The following ZBTB2 variants were observed in gnomAD, a reference collection of about 807,000 sequenced individuals.
ZBTB2 encodes zinc finger and BTB domain-containing protein 2.
Under a neutral mutation model 39.5 loss-of-function variants are expected in ZBTB2, and 2 were observed. The ratio of observed to expected loss-of-function variants is 0.05; its 90% confidence interval spans 0.02 to 0.16. The LOEUF (loss-of-function observed/expected upper bound fraction) is 0.16, where lower values mean the gene tolerates loss of function less well. Among genes scored for constraint, ZBTB2 ranks in the 10% least tolerant of loss-of-function variants. The pLI, the probability that ZBTB2 is intolerant of heterozygous loss-of-function variation, is 1.00. For missense variants in ZBTB2, 391 were observed against 653.0 expected (o/e 0.60, Z 4.37); for synonymous variants, 251 against 256.6 (o/e 0.98, Z 0.21).
At chr6:151,377,006 C>T (rs572575188) in intron 1 of ZBTB2, among the ~76,000 whole-genome samples, 1 of 152,138 alleles carries the variant, frequency 6.6e-6, no homozygotes, top group East Asian at 1.9e-4. Flanking sequence ...AACTACTCAG[C>T]CATAAGAAGA....
At chr6:151,388,567 A>G (rs1488556929) in intron 1 of ZBTB2, among the ~76,000 whole-genome samples, 1 of 152,150 alleles carries the variant, frequency 6.6e-6, no homozygotes, top group African/African-American at 2.4e-5. Context: ...TGTGGGATCT[A>G]TGTTACCCAG....
intron 1 of ZBTB2, among the ~76,000 whole-genome samples, chr6:151,375,986 T>C (rs1372355363): frequency 6.6e-6 from 1 of 152,070 alleles, no homozygotes; most frequent in Admixed American, 6.6e-5. Context: ...GACAGAGAAG[T>C]GAATTAATAG....
chr6:151,388,843 C>T (rs9383568), intron 1 of ZBTB2, among the ~76,000 whole-genome samples: 5,434 of 152,300 alleles, frequency 0.036, 193 homozygotes, highest in East Asian at 0.18. Flanking sequence ...AGAGATTGCT[C>T]AGCATCAACG....
chr6:151,371,699 G>A (rs184668809), intron 2 of ZBTB2, among the ~76,000 whole-genome samples: 7 of 152,246 alleles, frequency 4.6e-5, no homozygotes, highest in Admixed American at 4.6e-4. Context: ...GGGCATCCCC[G>A]GGGTTTCTGA....
intron 1 of ZBTB2, among the ~76,000 whole-genome samples, chr6:151,387,238 A>G (rs1468775597): frequency 6.6e-6 from 1 of 152,196 alleles, no homozygotes; most frequent in African/African-American, 2.4e-5. Context: ...TTATAGTAAT[A>G]TTCATTGGTC....
At chr6:151,387,154 T>C (rs890438075) in intron 1 of ZBTB2, among the ~76,000 whole-genome samples, 9 of 152,360 alleles carry the variant, frequency 5.9e-5, no homozygotes, top group Middle Eastern at 3.4e-3. Flanking sequence ...ATACCAACAC[T>C]TGACAAGTCT....
At chr6:151,371,930 C>T (rs1485444794) in intron 2 of ZBTB2, among the ~76,000 whole-genome samples, 3 of 152,198 alleles carry the variant, frequency 2.0e-5, no homozygotes, top group Non-Finnish European at 4.4e-5. Flanking sequence ...GCAGGAGGAA[C>T]TTCGGAGAAG....
intron 1 of ZBTB2, among the ~76,000 whole-genome samples, chr6:151,375,986 T>A (rs1372355363): frequency 6.6e-6 from 1 of 152,070 alleles, no homozygotes; most frequent in African/African-American, 2.4e-5. Context: ...GACAGAGAAG[T>A]GAATTAATAG....
Position 151,391,545 on chromosome 6 carries a change from C to A in ZBTB2, c.-138G>T, listed in dbSNP as rs975562141. 1.3e-5 allele frequency: 2 copies of A among 154,842 alleles called. No individual in the cohort carries two copies. The highest frequency in any genetic ancestry group is 3.9e-4 in the South Asian group (2 of 5,146). The allele number at this position is 154,842 out of a possible 1,614,324, so 9.6% of individuals were successfully genotyped here. A position where few individuals can be genotyped will look rare whatever the true frequency, so the allele number is the denominator to read the frequency against. The stretch of plus-strand genomic sequence containing the variant: ...CTGCTGCTGCTGCTGCCGCCGCGGT[C>A]GGTGTCTCCGGCGCGGCGGCGGCGG... On this transcript the variant is annotated 5_prime_UTR_variant, in exon 1 of 3. Coordinates refer to ENST00000325144, the MANE Select transcript of ZBTB2 (RefSeq NM_020861.3).
intron 2 of ZBTB2, 140 bp from the exon 3 acceptor site, chr6:151,367,032 G>T: frequency 1.1e-6 from 1 of 888,748 alleles, no homozygotes; most frequent in African/African-American, 1.7e-5. Context: ...CATGAAAATG[G>T]GATGAAATAA....
Position 151,366,061 on chromosome 6 carries a change from C to T in ZBTB2, c.1005G>A (p.Ser335=), listed in dbSNP as rs745564130. 6.8e-6 allele frequency: 11 copies of T among 1,614,010 alleles called. No homozygotes were observed. The highest frequency in any genetic ancestry group is 4.0e-5 in the African/African-American group (3 of 74,908). Residue 335 remains serine, a synonymous_variant, in exon 3 of 3, where the codon TCG becomes TCA. Coordinates refer to ENST00000325144, the MANE Select transcript of ZBTB2 (RefSeq NM_020861.3). The surrounding 1 kb of genome is among the most constrained non-coding windows in gnomAD (Gnocchi z 7.1). ...DSPIIDGQQQ[S]ETPPPSDIAD... Reference sequence around the variant, plus strand: ...CAATGTCTGAGGGGGGTGGGGTTTCCGACTGCTGCTGCCCATCGATGATGG... The same window carrying T: ...CAATGTCTGAGGGGGGTGGGGTTTCTGACTGCTGCTGCCCATCGATGATGG...
At position 151,365,776 on chromosome 6, in the gene ZBTB2, T is replaced by C; in HGVS notation, c.1290A>G (p.Thr430=). The C allele has an allele frequency of 6.2e-7, 1 of 1,614,234 alleles. No homozygotes were observed. Among genetic ancestry groups the C allele is most frequent in the Non-Finnish European group, 8.5e-7 (1 of 1,180,044 alleles). ...TGTCCATCTGACTCCCTTCCTCAAA[T>C]GTGCAGAGTTCCAGAGTCTGTTTGT... ...MVDKQTLELC[T]FEEGSQMDNM... Residue 430 remains threonine (T), a synonymous_variant, in exon 3 of 3, where the codon ACA becomes ACG. Transcript: ENST00000325144. The surrounding 1 kb of genome is among the most constrained non-coding windows in gnomAD (Gnocchi z 5.6).
chr6:151,374,957 A>C (rs1195224466), intron 1 of ZBTB2, among the ~76,000 whole-genome samples: 23 of 148,194 alleles, frequency 1.6e-4, no homozygotes, highest in Non-Finnish European at 3.3e-4. Flanking sequence ...AAAAAAAACA[A>C]CAAAAACAAA....
At chr6:151,390,907 G>C (rs1027393118) in intron 1 of ZBTB2, among the ~76,000 whole-genome samples, 2 of 152,014 alleles carry the variant, frequency 1.3e-5, no homozygotes, top group East Asian at 3.9e-4. Context: ...GAGGGCTCCA[G>C]CGCGGGACGC....
At chr6:151,374,930 T>TAAAAAAAAA (rs71556221) in intron 1 of ZBTB2, among the ~76,000 whole-genome samples, 116 of 63,434 alleles carry the variant, frequency 1.8e-3, no homozygotes, top group South Asian at 3.0e-3. Context: ...CCGTCTCTAC[T>TAAAAAAAAA]AAAAAAAAAA....
chr6:151,370,082 A>G, intron 2 of ZBTB2: 1 of 976,830 alleles, frequency 1.0e-6, no homozygotes. Flanking sequence ...TGGAAAGGAC[A>G]TAGTTCTCTA....
intron 1 of ZBTB2, among the ~76,000 whole-genome samples, chr6:151,387,075 T>C (rs1779173635): frequency 6.6e-6 from 1 of 152,202 alleles, no homozygotes; most frequent in Admixed American, 6.5e-5. Flanking sequence ...CACCCACCTA[T>C]GTAGTTGGAA....
At position 151,366,081 on chromosome 6, in the gene ZBTB2, T is replaced by C; in HGVS notation, c.985A>G (p.Ile329Val). The change falls in exon 3 of 3, where the codon ATC becomes GTC. Residue 329 changes from isoleucine (I) to valine (V), a missense_variant. Physicochemically the swap from Ile to Val is conservative, Grantham distance 29. Coordinates refer to ENST00000325144, the MANE Select transcript of ZBTB2 (RefSeq NM_020861.3). The surrounding 1 kb of genome is among the most constrained non-coding windows in gnomAD (Gnocchi z 7.1). The part of the protein sequence containing the change: ...ELQHISDSPI[I>V]DGQQQSETPP... ...GTTTCCGACTGCTGCTGCCCATCGA[T>C]GATGGGAGAATCAGAGATGTGCTGC... 2 of 1,614,158 alleles carry C rather than the reference T, an allele frequency of 1.2e-6. No individual in the cohort carries two copies. The highest frequency in any genetic ancestry group is 1.7e-6 in the Non-Finnish European group (2 of 1,180,022).
At chr6:151,373,010 C>A (rs1029451916) in intron 2 of ZBTB2, among the ~76,000 whole-genome samples, 1 of 151,714 alleles carries the variant, frequency 6.6e-6, no homozygotes, top group Admixed American at 6.6e-5. Context: ...AAAATATTAG[C>A]CGGGCGTGGC....
Sources: allele counts gnomAD v4.1 joint callset (sites outside exome capture counted in the v4.1 genomes callset), GRCh38; gene constraint gnomAD v4.1.1; non-coding constraint Gnocchi (gnomAD v3.1); transcripts MANE v1.5; gene names NCBI Gene and HGNC (gene_info 2026-07-23, HGNC 2026-07-21).